The following MROH7 variants were observed in gnomAD, a reference collection of about 807,000 sequenced individuals.
The protein encoded by MROH7 is maestro heat-like repeat-containing protein family member 7.
Under a neutral mutation model 129.2 loss-of-function variants are expected in MROH7, and 113 were observed. The ratio of observed to expected loss-of-function variants is 0.87; its 90% CI spans 0.75 to 1.02. The LOEUF is 1.02. Ranked by LOEUF, MROH7 falls within the 50% of genes least tolerant of loss-of-function variation. MROH7 has a pLI of 0.00. For synonymous variants in MROH7, 655 were observed against 667.9 expected, an observed-to-expected ratio of 0.98 and a Z score of 0.30; for missense variants, 1,601 against 1,671.3, an observed-to-expected ratio of 0.96 and a Z score of 0.73.
intron 22 of MROH7, 113 bp downstream of exon 22, chr1:54,706,650 T>TGCAAG: frequency 1.3e-6 from 1 of 752,530 alleles, no homozygotes; most frequent in Non-Finnish European, 2.2e-6. Flanking sequence ...TCCCTTTGGG[T>TGCAAG]GCAAGGCTTG....
intron 3 of MROH7, among the ~76,000 whole-genome samples, chr1:54,655,015 A>ATTTT (rs71045202): frequency 1.5e-5 from 2 of 136,426 alleles, no homozygotes; most frequent in African/African-American, 5.4e-5. Flanking sequence ...TGAGAATCCT[A>ATTTT]TTTTTTTTTT....
In MROH7 at chr1:54,673,809, A is replaced by C; in HGVS notation, c.1800+4A>C. On this transcript the variant is annotated splice_donor_region_variant and intron_variant, in intron 9 of 23. Transcript: ENST00000421030. ...GCTTCTAACTCTGCCTTTCTTTGTG[A>C]GTGGCCCCTGGGAGGGGTGGACACT... 6.2e-7 allele frequency: 1 copy of C among 1,611,272 alleles called. No homozygotes were observed. Among genetic ancestry groups the C allele is most frequent in the Non-Finnish European group, 8.5e-7 (1 of 1,177,434 alleles).
chr1:54,709,983 G>A lies in MROH7; in HGVS notation c.3768G>A (p.Val1256=), dbSNP rs758198911. ...DNLRHDPEAS[V]CIYAAQVQDH... is the part of the protein sequence containing the mutation. ...TGAGACATGACCCAGAAGCATCAGT[G>A]TGCATCTACGCAGCCCAGGTCCAGG... The change falls in exon 24 of 24, where the codon GTG becomes GTA. Residue 1256 remains valine, a synonymous_variant. Transcript: ENST00000421030. 1.2e-6 allele frequency: 2 copies of A among 1,614,120 alleles called. No individual in the cohort carries two copies. The highest frequency in any genetic ancestry group is 1.7e-6 in the Non-Finnish European group (2 of 1,180,018).
rs372875339 is a variant in MROH7, at chr1:54,697,941, C to T, written c.2965-2380C>T. Reference sequence around the variant, plus strand: ...TAACTTCTCCCCACCATTCCCTGGACTCCTGACCAGCAGCCCTTCCGCCCT... The same window carrying T: ...TAACTTCTCCCCACCATTCCCTGGATTCCTGACCAGCAGCCCTTCCGCCCT... On this transcript the variant is annotated intron_variant, in intron 17 of 23. Transcript: ENST00000421030. The T allele has an allele frequency of 1.4e-5, 6 of 420,584 alleles. No individual in the cohort carries two copies. The East Asian group carries it at 1.8e-4, about 12-fold the overall frequency. The allele number at this position is 420,584 out of a possible 1,614,324, so 26.1% of individuals were successfully genotyped here. A position where few individuals can be genotyped will look rare whatever the true frequency, so the allele number is the denominator to read the frequency against.
chr1:54,659,933 GGAT>G (rs1323248157), intron 3 of MROH7, among the ~76,000 whole-genome samples: 1 of 152,054 alleles, frequency 6.6e-6, no homozygotes, highest in Admixed American at 6.6e-5. Context: ...CCTATTTTTT[GGAT>G]GTTATTAATA....
intron 22 of MROH7, among the ~76,000 whole-genome samples, chr1:54,707,506 A>T (rs537231439): frequency 6.6e-6 from 1 of 152,326 alleles, no homozygotes; most frequent in Non-Finnish European, 1.5e-5. Flanking sequence ...GTGTGGCGAT[A>T]GGGGGTGGCT....
chr1:54,676,553 G>T (rs777945785), intron 10 of MROH7, among the ~76,000 whole-genome samples: 1 of 152,078 alleles, frequency 6.6e-6, no homozygotes, highest in Non-Finnish European at 1.5e-5. Flanking sequence ...GGGACTACAG[G>T]TGGCTAATTT....
At chr1:54,648,255 T>A (rs1413462009) in intron 1 of MROH7, among the ~76,000 whole-genome samples, 1 of 152,176 alleles carries the variant, frequency 6.6e-6, no homozygotes. Flanking sequence ...CATATAGGCA[T>A]GGATTTATTT....
intron 14 of MROH7, 35 bp downstream of exon 14, chr1:54,682,829 TGTCCTGCCC>T: frequency 1.9e-6 from 3 of 1,597,008 alleles, no homozygotes; most frequent in Non-Finnish European, 2.6e-6. Flanking sequence ...TATTGCTGCC[TGTCCTGCCC>T]TTCCTCTCTC....
At chr1:54,680,199 C>A (rs1042276607) in intron 13 of MROH7, among the ~76,000 whole-genome samples, 154 bp downstream of exon 13, 2 of 152,194 alleles carry the variant, frequency 1.3e-5, no homozygotes, top group Admixed American at 1.3e-4. Flanking sequence ...CCATTAAGCA[C>A]TTCCTGAGCA....
chr1:54,680,670 A>C (rs987555483), intron 13 of MROH7, among the ~76,000 whole-genome samples: 2 of 152,220 alleles, frequency 1.3e-5, no homozygotes, highest in African/African-American at 4.8e-5. Context: ...GCTCGTGGGC[A>C]GGAGAGGTCA....
chr1:54,651,750 T>C (rs1203130570), intron 1 of MROH7, 199 bp from the exon 2 acceptor site: 2 of 152,302 alleles, frequency 1.3e-5, no homozygotes, highest in Non-Finnish European at 2.9e-5. Flanking sequence ...CCTTCCTCTC[T>C]TTGACCTTCA....
At chr1:54,680,092 G>C in intron 13 of MROH7, 47 bp downstream of exon 13, 2 of 1,588,768 alleles carry the variant, frequency 1.3e-6, no homozygotes, top group Non-Finnish European at 1.7e-6. Context: ...CAGGGTTCAA[G>C]CAGCCCCCAC....
Position 54,710,031 on chromosome 1 carries a change from G to T in MROH7, c.3816G>T (p.Trp1272Cys). The change falls in exon 24 of 24, where the codon TGG becomes TGT. Residue 1272 changes from tryptophan to cysteine, a missense_variant. Trp to Cys is a radical substitution (Grantham distance 215, BLOSUM62 -2). Coordinates refer to ENST00000421030, the MANE Select transcript of MROH7 (RefSeq NM_001039464.4). ...QVQDHILASC[W>C]QNSWLPHGNS... is the part of the protein sequence containing the mutation. ...AGGACCACATCCTGGCCAGCTGCTG[G>T]CAGAACTCCTGGCTGCCGCACGGGA... 1 of 1,614,102 alleles carries T rather than the reference G, an allele frequency of 6.2e-7. No individual in the cohort carries two copies. The highest frequency in any genetic ancestry group is 1.1e-5 in the South Asian group (1 of 91,082).
At chr1:54,654,393 C>T (rs191227478) in intron 3 of MROH7, among the ~76,000 whole-genome samples, 2 of 152,308 alleles carry the variant, frequency 1.3e-5, no homozygotes, top group East Asian at 3.9e-4. Context: ...AGTATATAGC[C>T]GGGCGCAGTG....
chr1:54,674,828 G>A (rs1644956336), intron 10 of MROH7, among the ~76,000 whole-genome samples: 1 of 152,164 alleles, frequency 6.6e-6, no homozygotes, highest in Non-Finnish European at 1.5e-5. Flanking sequence ...ACCTTGGCAT[G>A]TGGTTTAAAC....
In MROH7 at chr1:54,653,269, C is replaced by T. The variant is rs1403519826; in HGVS notation, c.343C>T (p.Pro115Ser). 2 of 1,614,154 alleles carry T rather than the reference C, an allele frequency of 1.2e-6. No homozygotes were observed. Among genetic ancestry groups the T allele is most frequent in the East Asian group, 2.2e-5 (1 of 44,876 alleles). Residue 115 changes from proline (P) to serine (S), a missense_variant, in exon 3 of 24, where the codon CCT becomes TCT. By Grantham distance (74) the Pro-to-Ser change is moderately conservative (BLOSUM62 -1). Transcript: ENST00000421030. Reference protein sequence around the residue: ...LDLDSKDVSRPDSQGRLCPAS... With the variant: ...LDLDSKDVSRSDSQGRLCPAS... The stretch of plus-strand genomic sequence containing the variant: ...CCTGGATTCCAAGGATGTCTCAAGG[C>T]CTGACTCACAGGGGCGCCTCTGTCC...
At chr1:54,669,068 G>A (rs1644856286) in intron 5 of MROH7, 131 bp downstream of exon 5, 4 of 654,762 alleles carry the variant, frequency 6.1e-6, no homozygotes, top group South Asian at 1.9e-5. Flanking sequence ...GCAGGACATC[G>A]GGAATTGAGT....
intron 3 of MROH7, 49 bp from the exon 4 acceptor site, chr1:54,665,118 A>G (rs1316084316): frequency 6.9e-7 from 1 of 1,441,554 alleles, no homozygotes; most frequent in Admixed American, 1.7e-5. Flanking sequence ...ATGGCATCCT[A>G]GGTACATCAC....
Sources: allele counts gnomAD v4.1 joint callset (sites outside exome capture counted in the v4.1 genomes callset), GRCh38; gene constraint gnomAD v4.1.1; transcripts MANE v1.5; gene names NCBI Gene and HGNC (gene_info 2026-07-23, HGNC 2026-07-21).